The following SHISA9 variants were observed in gnomAD, a reference collection of about 807,000 sequenced individuals.
SHISA9 encodes protein shisa-9.
Under a neutral mutation model 38.0 loss-of-function variants are expected in SHISA9, and 13 were observed. The observed-to-expected ratio is 0.34, with a 90% confidence interval of 0.22 to 0.54. The LOEUF (loss-of-function observed/expected upper bound fraction) is 0.54. Ranked by LOEUF, SHISA9 falls within the 20% of genes least tolerant of loss-of-function variation. The pLI is 0.91. For missense variants in SHISA9, 538 were observed against 575.8 expected (o/e 0.93, Z 0.67); for synonymous variants, 275 against 242.0 (o/e 1.14, Z -1.27).
intron 2 of SHISA9, among the ~76,000 whole-genome samples, chr16:13,149,285 C>G (rs1434136489): frequency 1.1e-4 from 16 of 152,142 alleles, no homozygotes; most frequent in Non-Finnish European, 7.3e-5. Context: ...AGGCTGATGT[C>G]CTGAGCCTGG....
At chr16:13,032,731 G>A (rs776606855) in intron 2 of SHISA9, among the ~76,000 whole-genome samples, 2 of 152,104 alleles carry the variant, frequency 1.3e-5, no homozygotes, top group Non-Finnish European at 2.9e-5. Flanking sequence ...AAGCAGAAAG[G>A]TCCTGAATTA....
intron 2 of SHISA9, among the ~76,000 whole-genome samples, chr16:12,942,025 A>T (rs2071618635): frequency 6.6e-6 from 1 of 151,912 alleles, no homozygotes; most frequent in Non-Finnish European, 1.5e-5. Flanking sequence ...GGTTACCTGG[A>T]TTAATTTGTT....
At chr16:13,114,504 G>T (rs1383938092) in intron 2 of SHISA9, among the ~76,000 whole-genome samples, 2 of 137,584 alleles carry the variant, frequency 1.5e-5, no homozygotes, top group Non-Finnish European at 3.1e-5. Context: ...AAAATACGAA[G>T]AACTAGGTAA....
downstream of SHISA9, among the ~76,000 whole-genome samples, chr16:13,241,982 C>T (rs2051438864): frequency 6.6e-6 from 1 of 152,168 alleles, no homozygotes; most frequent in Non-Finnish European, 1.5e-5. Flanking sequence ...CTCTAGTGAG[C>T]CACCTGGTGG....
chr16:13,091,287 T>A (rs932175478), intron 2 of SHISA9, among the ~76,000 whole-genome samples: 6 of 152,220 alleles, frequency 3.9e-5, no homozygotes, highest in Non-Finnish European at 7.3e-5. Context: ...TTGGGGTTGC[T>A]CTTCTCGACG....
At chr16:13,025,947 A>G (rs1328205163) in intron 2 of SHISA9, among the ~76,000 whole-genome samples, 1 of 152,090 alleles carries the variant, frequency 6.6e-6, no homozygotes, top group Non-Finnish European at 1.5e-5. Flanking sequence ...CTGGGATTAC[A>G]GGCATGCACC....
Position 12,902,124 on chromosome 16 carries a change from G to A in SHISA9, c.60G>A (p.Val20=). ...GCFLTELCAR[V]CRAQERAGHG... is the part of the protein sequence containing the mutation. The stretch of plus-strand genomic sequence containing the variant: ...TCCTCACCGAGCTGTGCGCCCGCGT[G>A]TGCCGGGCGCAGGAGCGAGCGGGAC... Residue 20 remains valine (V), a synonymous_variant, in exon 1 of 5, where the codon GTG becomes GTA. Coordinates refer to ENST00000558583, the MANE Select transcript of SHISA9 (RefSeq NM_001145204.3). The A allele has an allele frequency of 1.3e-6, 2 of 1,501,814 alleles. No homozygotes were observed. The highest frequency in any genetic ancestry group is 1.8e-6 in the Non-Finnish European group (2 of 1,134,088). The allele number at this position is 1,501,814 out of a possible 1,614,324, so 93.0% of individuals were successfully genotyped here.
chr16:12,920,360 T>C (rs925943065), intron 2 of SHISA9, among the ~76,000 whole-genome samples: 1 of 141,954 alleles, frequency 7.0e-6, no homozygotes, highest in Non-Finnish European at 1.6e-5. Context: ...CTGAGTACTT[T>C]TAAAAATATT....
At chr16:13,546,712 C>T in the SHISA9 span, among the ~76,000 whole-genome samples, 1 of 152,188 alleles carries the variant, frequency 6.6e-6, no homozygotes, top group South Asian at 2.1e-4. Flanking sequence ...AGCCCAATTC[C>T]TGTTTTTGTA....
At chr16:13,192,564 A>T (rs2050896051) in intron 2 of SHISA9, among the ~76,000 whole-genome samples, 1 of 151,970 alleles carries the variant, frequency 6.6e-6, no homozygotes, top group African/African-American at 2.4e-5. Context: ...GAAGCAGGGT[A>T]TTTCTAATTT....
intron 2 of SHISA9, among the ~76,000 whole-genome samples, chr16:13,118,180 T>TAAAAAA (rs543126630): frequency 1.2e-5 from 1 of 84,042 alleles, no homozygotes; most frequent in African/African-American, 4.4e-5. Context: ...AGACTTCGTC[T>TAAAAAA]AAAAAAAAAA....
At chr16:13,181,265 TTTTATATATATATATATATA>T (rs1329970181) in intron 2 of SHISA9, among the ~76,000 whole-genome samples, 6 of 91,616 alleles carry the variant, frequency 6.5e-5, no homozygotes, top group African/African-American at 2.5e-4. Flanking sequence ...TAAAATAAAA[TTTTATATATATATATATATA>T]TATATATATA....
At chr16:13,123,903 C>T (rs1330128065) in intron 2 of SHISA9, among the ~76,000 whole-genome samples, 1 of 152,190 alleles carries the variant, frequency 6.6e-6, no homozygotes, top group Non-Finnish European at 1.5e-5. Context: ...CTGCTTCTAA[C>T]TCTTGGTGTT....
At chr16:13,497,618 G>C in the SHISA9 span, among the ~76,000 whole-genome samples, 1 of 149,604 alleles carries the variant, frequency 6.7e-6, no homozygotes, top group African/African-American at 2.5e-5. Flanking sequence ...CCGGCAGGTG[G>C]AGGTTGCAGT....
chr16:13,383,256 G>T, the SHISA9 span, among the ~76,000 whole-genome samples: 1 of 152,306 alleles, frequency 6.6e-6, no homozygotes. Flanking sequence ...TGGAGGACGT[G>T]GGAATGGAGA....
At chr16:13,241,949 C>G (rs1480361124), downstream of SHISA9, among the ~76,000 whole-genome samples, 1 of 152,186 alleles carries the variant, frequency 6.6e-6, no homozygotes, top group African/African-American at 2.4e-5. Context: ...AATTACACCT[C>G]TGTGAGGAGA....
intron 2 of SHISA9, among the ~76,000 whole-genome samples, chr16:13,023,911 G>T (rs1359479465): frequency 6.6e-6 from 1 of 152,190 alleles, no homozygotes; most frequent in Non-Finnish European, 1.5e-5. Context: ...CACTCCAGAT[G>T]GGGGTAAAAC....
chr16:12,948,605 G>A (rs967709039), intron 2 of SHISA9, among the ~76,000 whole-genome samples: 3 of 152,156 alleles, frequency 2.0e-5, no homozygotes, highest in Admixed American at 6.5e-5. Flanking sequence ...TCTCATACAC[G>A]GTGACTTCTT....
chr16:12,951,909 C>G (rs2071762682), intron 2 of SHISA9, among the ~76,000 whole-genome samples: 2 of 152,152 alleles, frequency 1.3e-5, no homozygotes, highest in South Asian at 2.1e-4. Flanking sequence ...CAAACAAAAC[C>G]AAACATTTAT....
Sources: gnomAD v4.1 joint callset for allele counts (sites outside exome capture counted in the v4.1 genomes callset) on GRCh38, gnomAD v4.1.1 for gene constraint, MANE v1.5 for transcripts, NCBI Gene and HGNC (gene_info 2026-07-23, HGNC 2026-07-21) for gene names.